COL5A1: variants seen among roughly 807,000 people sequenced by gnomAD.
COL5A1 encodes collagen alpha-1(V) chain.
In COL5A1, 16 loss-of-function variants were observed where a neutral mutation model predicts 263.7. The ratio of observed to expected loss-of-function variants is 0.06; its 90% CI spans 0.04 to 0.09. The LOEUF is 0.09. COL5A1 is among the 10% of genes least tolerant of loss of function. The pLI, the probability that COL5A1 is intolerant of heterozygous loss-of-function variation, is 1.00. For synonymous variants in COL5A1, 1,012 were observed against 1,004.5 expected (o/e 1.01, Z -0.14); for missense variants, 2,036 against 2,540.5 (o/e 0.80, Z 4.27).
chr9:134,772,499 G>T (rs548209367), intron 25 of COL5A1, among the ~76,000 whole-genome samples: 33 of 152,338 alleles, frequency 2.2e-4, no homozygotes, highest in Non-Finnish European at 4.1e-4. Context: ...GCACTTGGGG[G>T]TTGCTGCATA....
At chr9:134,792,369 TTTTA>T (rs369505493) in intron 32 of COL5A1, among the ~76,000 whole-genome samples, 4 of 151,904 alleles carry the variant, frequency 2.6e-5, no homozygotes, top group African/African-American at 7.3e-5. Flanking sequence ...CAGAGAGGTC[TTTTA>T]TTTATTTATT....
intron 4 of COL5A1, among the ~76,000 whole-genome samples, chr9:134,707,151 G>C (rs1028619063): frequency 3.9e-5 from 6 of 152,210 alleles, no homozygotes; most frequent in Non-Finnish European, 7.3e-5. Flanking sequence ...ATGACCAGGA[G>C]GGGGGCCGTG....
intron 2 of COL5A1, among the ~76,000 whole-genome samples, chr9:134,693,583 C>T (rs1251640625): frequency 1.3e-5 from 2 of 152,110 alleles, no homozygotes; most frequent in Non-Finnish European, 2.9e-5. Flanking sequence ...CTGCAGGTCC[C>T]AAAGTGTTGG....
At chr9:134,748,986 C>A (rs1462093983) in intron 11 of COL5A1, among the ~76,000 whole-genome samples, 1 of 152,226 alleles carries the variant, frequency 6.6e-6, no homozygotes, top group East Asian at 1.9e-4. Context: ...TGCCTGTAAT[C>A]CCAGCATTTT....
intron 35 of COL5A1, 30 bp from the exon 36 acceptor site, chr9:134,796,818 G>T: frequency 1.2e-6 from 2 of 1,610,632 alleles, no homozygotes; most frequent in South Asian, 2.2e-5. Context: ...GAGACCTCTT[G>T]TCCTCAAACT....
rs1383797322 is a variant in COL5A1, at chr9:134,821,278, T to C, written c.4555-819T>C. ...CACCTGCCCTCACCCCAAACCATGG[T>C]CTTGGCGGCATTGCTGATGAAGGTG... On this transcript the variant is annotated intron_variant, in intron 58 of 65. Coordinates refer to ENST00000371817, the MANE Select transcript of COL5A1 (RefSeq NM_000093.5). This position sits in a 1 kb window ranked among gnomAD's most constrained non-coding sequence, Gnocchi z 4.2. 1.3e-5 allele frequency among the ~76,000 whole-genome samples: 2 copies of C among 151,972 alleles called. No individual in the cohort carries two copies. Among genetic ancestry groups the C allele is most frequent in the Non-Finnish European group, 2.9e-5 (2 of 67,990 alleles).
In COL5A1 at chr9:134,749,783, C is replaced by T. The variant is rs144146200; in HGVS notation, c.1495-759C>T. 1.2e-3 allele frequency among the ~76,000 whole-genome samples: 184 copies of T among 152,316 alleles called. 1 individual carries two copies. The Middle Eastern group carries it at 0.024, about 20-fold the overall frequency. On this transcript the variant is annotated intron_variant, in intron 11 of 65. Transcript: ENST00000371817. ...AAGACAAGCCTCATCTACTTTAGGC[C>T]AGCTGAGAATCTGCTTGCTTTTGTG...
At chr9:134,740,106 T>C (rs186336149) in intron 11 of COL5A1, among the ~76,000 whole-genome samples, 1,683 of 150,890 alleles carry the variant, frequency 0.011, 15 homozygotes, top group Middle Eastern at 0.02. Flanking sequence ...GGAAACAGAG[T>C]GGGGTGGGGG....
chr9:134,738,578 C>A, intron 10 of COL5A1, 63 bp downstream of exon 10: 1 of 1,598,042 alleles, frequency 6.3e-7, no homozygotes, highest in Non-Finnish European at 8.6e-7. Context: ...GGGTTGGTGA[C>A]ACCCCTTATG....
chr9:134,749,094 C>T (rs781011981), intron 11 of COL5A1, among the ~76,000 whole-genome samples: 1 of 152,186 alleles, frequency 6.6e-6, no homozygotes, highest in Non-Finnish European at 1.5e-5. Context: ...AAAGTTAGCC[C>T]ACGCTGGTGT....
intron 59 of COL5A1, 26 bp downstream of exon 59, chr9:134,822,176 A>C: frequency 1.0e-6 from 1 of 966,428 alleles, no homozygotes; most frequent in Non-Finnish European, 1.6e-6. Flanking sequence ...GGGCTTGGTC[A>C]TTCCTGGGAG....
chr9:134,658,697 G>C (rs575315121), intron 1 of COL5A1, among the ~76,000 whole-genome samples: 2 of 151,662 alleles, frequency 1.3e-5, no homozygotes, highest in East Asian at 3.9e-4. Flanking sequence ...CCCGGCTTCT[G>C]TCCCCTGGAG....
intron 27 of COL5A1, among the ~76,000 whole-genome samples, chr9:134,776,023 C>T (rs533374974): frequency 5.9e-5 from 9 of 152,240 alleles, no homozygotes; most frequent in South Asian, 2.1e-4. Context: ...ACACTAAAAT[C>T]GAGGCTGCTG....
intron 4 of COL5A1, among the ~76,000 whole-genome samples, chr9:134,719,135 C>T (rs920547379): frequency 2.0e-5 from 3 of 152,198 alleles, no homozygotes; most frequent in Admixed American, 1.3e-4. Flanking sequence ...GAGTCCCAGG[C>T]ACCTCGGGGC....
chr9:134,732,247 C>T (rs958907723), intron 9 of COL5A1, 120 bp downstream of exon 9: 52 of 991,822 alleles, frequency 5.2e-5, no homozygotes, highest in Non-Finnish European at 6.9e-5. Flanking sequence ...TGGGTCACTT[C>T]GAGCAACCAC....
At chr9:134,705,553 G>A (rs1249402720) in intron 4 of COL5A1, among the ~76,000 whole-genome samples, 5 of 152,236 alleles carry the variant, frequency 3.3e-5, no homozygotes, top group Admixed American at 3.3e-4. Context: ...CCCTGCTGGT[G>A]ACTTGGAGCC....
intron 27 of COL5A1, among the ~76,000 whole-genome samples, chr9:134,777,344 C>A (rs1350690484): frequency 6.6e-6 from 1 of 152,222 alleles, no homozygotes. Flanking sequence ...GGCTGGCCGG[C>A]CGAGTCACGG....
intron 17 of COL5A1, 46 bp downstream of exon 17, chr9:134,756,864 C>T: frequency 6.3e-7 from 1 of 1,580,388 alleles, no homozygotes; most frequent in Non-Finnish European, 8.7e-7. Flanking sequence ...CACTGTCATC[C>T]CTGGGGTCAT....
rs2132694073 is a variant in COL5A1 at position 134,755,949 on chromosome 9, C to A, written c.1828-816C>A. Among the ~76,000 whole-genome samples the A allele has an allele frequency of 6.6e-6, 1 of 152,228 alleles. No individual in the cohort carries two copies. The highest frequency in any genetic ancestry group is 2.4e-5 in the African/African-American group (1 of 41,544). On this transcript the variant is annotated intron_variant, in intron 16 of 65. Coordinates refer to ENST00000371817, the MANE Select transcript of COL5A1 (RefSeq NM_000093.5). The surrounding 1 kb of genome is among the most constrained non-coding windows in gnomAD (Gnocchi z 4.1). ...GAGGAGCCCCTGGAAAATGGAAGTG[C>A]AGGGTGGCAGCCCTCTATACTCGCT...
Sources: allele counts gnomAD v4.1 joint callset (sites outside exome capture counted in the v4.1 genomes callset), GRCh38; gene constraint gnomAD v4.1.1; non-coding constraint Gnocchi (gnomAD v3.1); transcripts MANE v1.5; gene names NCBI Gene and HGNC (gene_info 2026-07-23, HGNC 2026-07-21).